Variants in FSD1L observed in about 807,000 individuals in gnomAD.
FSD1L encodes fibronectin type III and SPRY domain containing 1 like, also known as FSD1-like protein.
In FSD1L, 45 loss-of-function variants were observed where a neutral mutation model predicts 71.6. That is an observed-to-expected ratio of 0.63 (90% CI 0.49 to 0.81). The LOEUF (loss-of-function observed/expected upper bound fraction) is 0.81. Among genes scored for constraint, FSD1L ranks in the 30% least tolerant of loss-of-function variants. The pLI is 0.00. For synonymous variants in FSD1L, 197 were observed against 207.2 expected (o/e 0.95, Z 0.42); for missense variants, 561 against 618.1 (o/e 0.91, Z 0.98).
chr9:105,522,692 T>C (rs1564137876), intron 10 of FSD1L: 1 of 1,611,248 alleles, frequency 6.2e-7, no homozygotes, highest in East Asian at 2.2e-5. Context: ...CCAAAGTCAA[T>C]AAAGAGGACA....
chr9:105,491,197 A>T (rs1218963886), intron 7 of FSD1L, among the ~76,000 whole-genome samples: 1 of 151,790 alleles, frequency 6.6e-6, no homozygotes, highest in Admixed American at 6.6e-5. Flanking sequence ...AGTGATTTGT[A>T]GTTCTCCTTG....
rs1471463627 is a variant in FSD1L at position 105,547,444 on chromosome 9, G to T, written c.*961G>T. 1 of 152,270 alleles carries T rather than the reference G, an allele frequency of 6.6e-6. No individual in the cohort carries two copies. The highest frequency in any genetic ancestry group is 1.5e-5 in the Non-Finnish European group (1 of 67,904). The allele number at this position is 152,270 out of a possible 1,614,324, so 9.4% of individuals were successfully genotyped here. A position where few individuals can be genotyped will look rare whatever the true frequency, so the allele number is the denominator to read the frequency against. ...TTATCTAAGAAGGATAGGTTATAAA[G>T]GGAGGTACCTAAATACTCAAATAAT... On this transcript the variant is annotated 3_prime_UTR_variant, in exon 14 of 14. Coordinates refer to ENST00000481272, the MANE Select transcript of FSD1L (RefSeq NM_001145313.3).
intron 1 of FSD1L, among the ~76,000 whole-genome samples, chr9:105,456,388 T>C (rs1338847395): frequency 6.6e-6 from 1 of 152,238 alleles, no homozygotes; most frequent in Non-Finnish European, 1.5e-5. Flanking sequence ...ATTAAATGAA[T>C]TAATAATATG....
rs1835229673 is a variant in FSD1L, at chr9:105,522,431, C to T, written c.1025+9495C>T. 11 of 1,613,558 alleles carry T rather than the reference C, an allele frequency of 6.8e-6. No individual in the cohort carries two copies. The African/African-American group carries it at 1.1e-4, about 16-fold the overall frequency. ...GAGGATGGAGTCGTGATCAGCCTGG[C>T]CAAGCCCCAATGAGACAGAGGAGTG... On this transcript the variant is annotated intron_variant, in intron 10 of 13. Transcript: ENST00000481272.
chr9:105,512,138 A>C (rs1262023731), intron 9 of FSD1L, among the ~76,000 whole-genome samples: 1 of 152,090 alleles, frequency 6.6e-6, no homozygotes, highest in Non-Finnish European at 1.5e-5. Context: ...AGCAGTTCTG[A>C]GTAAGTCTTG....
chr9:105,521,345 A>G (rs2131418559), intron 10 of FSD1L: 2 of 1,614,192 alleles, frequency 1.2e-6, no homozygotes, highest in South Asian at 2.2e-5. Context: ...CAGAACCCGA[A>G]CAGTCTCATT....
chr9:105,517,942 C>T (rs1266197458), intron 10 of FSD1L, among the ~76,000 whole-genome samples: 1 of 152,046 alleles, frequency 6.6e-6, no homozygotes, highest in Non-Finnish European at 1.5e-5. Context: ...CAAACATAGG[C>T]TCAAAATAAA....
chr9:105,461,452 T>A, intron 1 of FSD1L, 68 bp from the exon 2 acceptor site: 6 of 636,314 alleles, frequency 9.4e-6, no homozygotes, highest in Non-Finnish European at 1.6e-5. Flanking sequence ...TAAAATTAAT[T>A]TATCCTGTTT....
chr9:105,512,760 G>T (rs2131379175), intron 9 of FSD1L, 47 bp from the exon 10 acceptor site: 1 of 1,091,214 alleles, frequency 9.2e-7, no homozygotes, highest in East Asian at 2.8e-5. Context: ...TCAGAAAGTG[G>T]AGATATGCTA....
intron 1 of FSD1L, among the ~76,000 whole-genome samples, chr9:105,451,389 C>T (rs1829995534): frequency 6.6e-6 from 1 of 152,230 alleles, no homozygotes; most frequent in African/African-American, 2.4e-5. Context: ...TGCAGTCTGA[C>T]AGTAGAGGTT....
intron 1 of FSD1L, among the ~76,000 whole-genome samples, chr9:105,453,508 T>C (rs1830181256): frequency 6.6e-6 from 1 of 152,066 alleles, no homozygotes; most frequent in Non-Finnish European, 1.5e-5. Context: ...TGTGTGTGTG[T>C]GTGCGTGTGT....
At chr9:105,522,582 G>A in intron 10 of FSD1L, 2 of 1,613,330 alleles carry the variant, frequency 1.2e-6, no homozygotes, top group Non-Finnish European at 1.7e-6. Flanking sequence ...ACAAAGTGAA[G>A]AAACTGGAAA....
At chr9:105,529,294 A>G (rs1250956446) in intron 10 of FSD1L, among the ~76,000 whole-genome samples, 4 of 152,256 alleles carry the variant, frequency 2.6e-5, no homozygotes, top group Non-Finnish European at 5.9e-5. Flanking sequence ...AAGGATTTAT[A>G]AATCCTTCTA....
intron 7 of FSD1L, among the ~76,000 whole-genome samples, chr9:105,505,440 T>C (rs1268424495): frequency 1.3e-5 from 2 of 152,168 alleles, no homozygotes; most frequent in African/African-American, 2.4e-5. Flanking sequence ...TTTGTGTTTT[T>C]AGTAGAGACG....
chr9:105,445,753 T>C (rs1243107220), upstream of FSD1L, among the ~76,000 whole-genome samples: 1 of 152,176 alleles, frequency 6.6e-6, no homozygotes, highest in Non-Finnish European at 1.5e-5. Flanking sequence ...GGAACGACCT[T>C]TGTGGCTGCA....
chr9:105,529,111 AG>A (rs1232564826), intron 10 of FSD1L, among the ~76,000 whole-genome samples: 2 of 152,216 alleles, frequency 1.3e-5, no homozygotes, highest in Middle Eastern at 3.2e-3. Flanking sequence ...TGAAAAAGTC[AG>A]GAAACAACAG....
In FSD1L at chr9:105,518,655, C is replaced by G. The variant is rs551910791; in HGVS notation, c.1025+5719C>G. ...TGTACTAGAATCTCTGGGACACATT[C>G]AAAGCAGTGTGTAGAGGGAAATTTA... On this transcript the variant is annotated intron_variant, in intron 10 of 13. Coordinates refer to ENST00000481272, the MANE Select transcript of FSD1L (RefSeq NM_001145313.3). Among the ~76,000 whole-genome samples, 5 of 152,112 alleles carry G rather than the reference C, an allele frequency of 3.3e-5. 1 individual carries two copies. The highest frequency in any genetic ancestry group is 1.2e-4 in the African/African-American group (5 of 41,472).
intron 7 of FSD1L, among the ~76,000 whole-genome samples, chr9:105,485,892 C>A (rs1314756690): frequency 6.6e-6 from 1 of 152,098 alleles, no homozygotes; most frequent in East Asian, 1.9e-4. Flanking sequence ...ATCCGCCCGC[C>A]TCGGCCTCCC....
At chr9:105,487,377 A>G (rs1344483095) in intron 7 of FSD1L, among the ~76,000 whole-genome samples, 2 of 151,304 alleles carry the variant, frequency 1.3e-5, no homozygotes, top group Admixed American at 6.6e-5. Context: ...GTACTGGAAA[A>G]TATTTGAATG....
Sources: gnomAD v4.1 joint callset for allele counts (sites outside exome capture counted in the v4.1 genomes callset) on GRCh38, gnomAD v4.1.1 for gene constraint, MANE v1.5 for transcripts, NCBI Gene and HGNC (gene_info 2026-07-23, HGNC 2026-07-21) for gene names.